Variants in KLF8 observed in about 807,000 individuals in gnomAD.
KLF8 encodes KLF transcription factor 8.
Under a neutral mutation model 18.2 loss-of-function variants are expected in KLF8, and 10 were observed. The observed-to-expected ratio is 0.55, with a 90% CI of 0.34 to 0.93. The LOEUF (loss-of-function observed/expected upper bound fraction) is 0.93. KLF8 is among the 40% of genes least tolerant of loss of function. The pLI is 0.02. For missense variants in KLF8, 264 were observed against 277.9 expected, an observed-to-expected ratio of 0.95 and a Z score of 0.36; for synonymous variants, 109 against 97.3, an observed-to-expected ratio of 1.12 and a Z score of -0.71.
chrX:55,963,994 T>C, the KLF8 span, among the ~76,000 whole-genome samples: 1 of 111,689 alleles, frequency 9.0e-6, no homozygotes, highest in Admixed American at 9.5e-5. Flanking sequence ...TAAAATTACA[T>C]GGAAATTAAA....
chrX:56,047,155 G>GA, the KLF8 span, among the ~76,000 whole-genome samples: 2 of 110,172 alleles, frequency 1.8e-5, no homozygotes, highest in Non-Finnish European at 3.8e-5. Flanking sequence ...CTCTATTGCT[G>GA]AGACTTTCCA....
chrX:56,127,179 C>A, the KLF8 span, among the ~76,000 whole-genome samples: 1 of 111,587 alleles, frequency 9.0e-6, no homozygotes, highest in Admixed American at 9.5e-5. Context: ...GTTTCTCTGA[C>A]ATATTATATA....
the KLF8 span, among the ~76,000 whole-genome samples, chrX:56,202,306 ATAG>A: frequency 1.8e-5 from 2 of 109,337 alleles, no homozygotes; most frequent in South Asian, 3.9e-4. Context: ...TTGTGGGTAC[ATAG>A]TAGGTGTATA....
chrX:56,028,208 T>C, the KLF8 span, among the ~76,000 whole-genome samples: 23 of 112,240 alleles, frequency 2.0e-4, no homozygotes, highest in African/African-American at 7.1e-4. Flanking sequence ...TAAGTTTTTC[T>C]TTTAACTTAC....
the KLF8 span, among the ~76,000 whole-genome samples, chrX:55,945,006 G>T: frequency 9.0e-6 from 1 of 110,914 alleles, no homozygotes; most frequent in Non-Finnish European, 1.9e-5. Context: ...CTTTGTATGT[G>T]TCCCAGAGAT....
the KLF8 span, among the ~76,000 whole-genome samples, chrX:56,018,509 A>G: frequency 1.8e-5 from 2 of 111,666 alleles, no homozygotes; most frequent in Non-Finnish European, 3.8e-5. Context: ...GAAACTAGTC[A>G]TAGCAGCTGA....
At chrX:56,141,357 G>A in the KLF8 span, among the ~76,000 whole-genome samples, 2 of 111,408 alleles carry the variant, frequency 1.8e-5, no homozygotes, top group Non-Finnish European at 3.8e-5. Context: ...CATTTTTTTT[G>A]TGTGGGTAGA....
At chrX:55,947,579 C>T in the KLF8 span, among the ~76,000 whole-genome samples, 9 of 109,705 alleles carry the variant, frequency 8.2e-5, no homozygotes, top group South Asian at 8.0e-4. Flanking sequence ...ATGGCACATG[C>T]ATACATATGT....
chrX:56,128,784 A>G, the KLF8 span, among the ~76,000 whole-genome samples: 1 of 112,106 alleles, frequency 8.9e-6, no homozygotes, highest in Non-Finnish European at 1.9e-5. Context: ...GGCAAATTAG[A>G]TCATAAGAAC....
chrX:56,104,065 C>T, the KLF8 span, among the ~76,000 whole-genome samples: 1 of 111,954 alleles, frequency 8.9e-6, no homozygotes, highest in African/African-American at 3.2e-5. Context: ...ATGAAGCCCA[C>T]TTGATCATAG....
At chrX:56,088,294 G>A in the KLF8 span, among the ~76,000 whole-genome samples, 2 of 111,338 alleles carry the variant, frequency 1.8e-5, no homozygotes, top group Non-Finnish European at 3.8e-5. Context: ...AATGAGAACT[G>A]GAGTTCTTTT....
chrX:56,044,128 G>A, the KLF8 span, among the ~76,000 whole-genome samples: 1 of 111,787 alleles, frequency 8.9e-6, no homozygotes, highest in African/African-American at 3.3e-5. Flanking sequence ...GTACCTGGAG[G>A]TATCACCAGT....
At chrX:56,215,075 G>T in the KLF8 span, among the ~76,000 whole-genome samples, 2 of 111,935 alleles carry the variant, frequency 1.8e-5, no homozygotes, top group Admixed American at 1.9e-4. Flanking sequence ...CAGTGGCCAG[G>T]TCTTAATTTA....
chrX:55,937,972 T>A, the KLF8 span, among the ~76,000 whole-genome samples: 1 of 111,684 alleles, frequency 9.0e-6, no homozygotes, highest in Non-Finnish European at 1.9e-5. Context: ...TGAGGAGAAC[T>A]TCCCCAATCT....
At chrX:55,952,243 A>C in the KLF8 span, among the ~76,000 whole-genome samples, 1 of 112,218 alleles carries the variant, frequency 8.9e-6, no homozygotes, top group Non-Finnish European at 1.9e-5. Flanking sequence ...GCAAACGTTG[A>C]AGAGAGAAAT....
intron 4 of KLF8, among the ~76,000 whole-genome samples, chrX:56,269,816 C>G (rs2067027381): frequency 8.9e-6 from 1 of 112,162 alleles, no homozygotes; most frequent in South Asian, 3.7e-4. Flanking sequence ...AATATTGAAA[C>G]TAATTGGAAG....
rs1395658495 is a variant in KLF8, at chrX:56,290,691, T to C, written c.*6197T>C. ...CCTTTAAGCTTTGGCCAGTTCAGTT[T>C]CACCACTTATATTTTCTCTTTCCCA... On this transcript the variant is annotated 3_prime_UTR_variant, in exon 6 of 6. Coordinates refer to ENST00000468660, the MANE Select transcript of KLF8 (RefSeq NM_007250.5). 9.0e-6 allele frequency among the ~76,000 whole-genome samples: 1 copy of C among 110,965 alleles called. No homozygotes were observed. Among genetic ancestry groups the C allele is most frequent in the East Asian group, 2.9e-4 (1 of 3,494 alleles).
intron 3 of KLF8, chrX:56,268,036 A>C (rs1274449403): frequency 9.0e-6 from 1 of 110,865 alleles, no homozygotes; most frequent in Admixed American, 9.7e-5. Flanking sequence ...TCCACATATG[A>C]GTGAGATCAT....
the KLF8 span, among the ~76,000 whole-genome samples, chrX:55,940,528 G>T: frequency 2.7e-5 from 3 of 111,455 alleles, no homozygotes; most frequent in African/African-American, 9.8e-5. Flanking sequence ...TTCTGGCCAG[G>T]ACAATCAGTC....
Sources: gnomAD v4.1 joint callset for allele counts (sites outside exome capture counted in the v4.1 genomes callset) on GRCh38, gnomAD v4.1.1 for gene constraint, MANE v1.5 for transcripts, NCBI Gene and HGNC (gene_info 2026-07-23, HGNC 2026-07-21) for gene names.